COL4A3: variants seen among roughly 807,000 people sequenced by gnomAD.
COL4A3 encodes collagen alpha-3(IV) chain.
COL4A3 carries 135 observed loss-of-function variants against 217.4 expected under a neutral mutation model. The ratio of observed to expected loss-of-function variants is 0.62; its 90% CI spans 0.54 to 0.72. The LOEUF (loss-of-function observed/expected upper bound fraction) is 0.72. Ranked by LOEUF, COL4A3 falls within the 30% of genes least tolerant of loss-of-function variation. The pLI is 0.00. For missense variants in COL4A3, 1,868 were observed against 2,119.9 expected (o/e 0.88, Z 2.33); for synonymous variants, 690 against 736.3 (o/e 0.94, Z 1.02).
Position 227,291,604 on chromosome 2 carries a change from AC to A in COL4A3, c.3210+719del, listed in dbSNP as rs1296289530. On this transcript the variant is annotated intron_variant, in intron 37 of 51. Coordinates refer to ENST00000396578, the MANE Select transcript of COL4A3 (RefSeq NM_000091.5). ...ACAAAAAAAAAAAACAAAAAAAAAA[AC>A]ACTTGTCTTACAAAGACTAACAAAA... is the stretch of plus-strand genomic sequence containing the variant. Among the ~76,000 whole-genome samples, 445 of 144,756 alleles carry A rather than the reference AC, an allele frequency of 3.1e-3. 1 individual carries two copies. Among genetic ancestry groups the A allele is most frequent in the African/African-American group, 0.011 (428 of 37,432 alleles). 95.0% of individuals were successfully genotyped at this position (144,756 alleles called of 152,430 possible).
chr2:227,196,019 T>C (rs2066461652), intron 1 of COL4A3, among the ~76,000 whole-genome samples: 1 of 152,154 alleles, frequency 6.6e-6, no homozygotes, highest in African/African-American at 2.4e-5. Context: ...CAGCTAGCTG[T>C]ACCATGTGTT....
chr2:227,270,741 A>T lies in COL4A3; in HGVS notation c.1576-29A>T, dbSNP rs183671186. On this transcript the variant is annotated intron_variant, in intron 24 of 51. Coordinates refer to ENST00000396578, the MANE Select transcript of COL4A3 (RefSeq NM_000091.5). ...CAGAAGAAGAATTCTAACAAAATAC[A>T]ATACAGATTCATTTGTGTACTACCC... 1.1e-5 allele frequency: 18 copies of T among 1,605,446 alleles called. No homozygotes were observed. In the Admixed American group the frequency reaches 3.0e-4, roughly 27 times the overall value.
chr2:227,192,358 AG>A (rs1273083547), intron 1 of COL4A3, among the ~76,000 whole-genome samples: 3 of 152,216 alleles, frequency 2.0e-5, no homozygotes, highest in African/African-American at 7.2e-5. Context: ...TTGAAATGTT[AG>A]ATGTGGTTTA....
At chr2:227,229,884 T>TA (rs111242341) in intron 1 of COL4A3, among the ~76,000 whole-genome samples, 48,178 of 150,596 alleles carry the variant, frequency 0.32, 8,138 homozygotes, top group Non-Finnish European at 0.36. Context: ...CTGTGTCTAC[T>TA]AAAAAAAATA....
chr2:227,218,102 A>G (rs2067603000), intron 1 of COL4A3, among the ~76,000 whole-genome samples: 1 of 144,894 alleles, frequency 6.9e-6, no homozygotes, highest in Non-Finnish European at 1.5e-5. Flanking sequence ...ATATATATAT[A>G]GTTATTTTAA....
At chr2:227,176,324 A>C (rs2065671718) in intron 1 of COL4A3, among the ~76,000 whole-genome samples, 1 of 152,234 alleles carries the variant, frequency 6.6e-6, no homozygotes, top group Admixed American at 6.5e-5. Flanking sequence ...TCCACATACC[A>C]GCGTCGGTAT....
chr2:227,238,971 T>C (rs180795633), intron 2 of COL4A3, among the ~76,000 whole-genome samples: 2 of 152,344 alleles, frequency 1.3e-5, no homozygotes, highest in Admixed American at 1.3e-4. Context: ...GAGAGGGGTC[T>C]AGCACATTCT....
intron 1 of COL4A3, among the ~76,000 whole-genome samples, chr2:227,229,323 C>T (rs2068263957): frequency 6.6e-6 from 1 of 152,168 alleles, no homozygotes; most frequent in Non-Finnish European, 1.5e-5. Flanking sequence ...TTAAATAAAA[C>T]ATTGTAATGT....
chr2:227,288,181 C>T (rs1005705059), intron 34 of COL4A3, among the ~76,000 whole-genome samples: 8 of 152,102 alleles, frequency 5.3e-5, no homozygotes, highest in African/African-American at 1.9e-4. Flanking sequence ...ACTGCAACCT[C>T]CGCCTCCTAG....
At chr2:227,196,050 C>A (rs2066463423) in intron 1 of COL4A3, among the ~76,000 whole-genome samples, 1 of 152,080 alleles carries the variant, frequency 6.6e-6, no homozygotes, top group East Asian at 1.9e-4. Flanking sequence ...GCTGTTATTA[C>A]AGAGGAATCA....
At chr2:227,227,536 A>G (rs1395557531) in intron 1 of COL4A3, among the ~76,000 whole-genome samples, 2 of 152,102 alleles carry the variant, frequency 1.3e-5, no homozygotes, top group Admixed American at 1.3e-4. Context: ...TCAAAAAAAA[A>G]AAGAAGAAGA....
chr2:227,195,551 C>T (rs1036607081), intron 1 of COL4A3, among the ~76,000 whole-genome samples: 9 of 152,042 alleles, frequency 5.9e-5, no homozygotes, highest in Admixed American at 2.0e-4. Flanking sequence ...AAGTCTAGCA[C>T]GTGCAGTTAT....
intron 37 of COL4A3, among the ~76,000 whole-genome samples, chr2:227,291,584 A>AAAC (rs2072739011): frequency 9.3e-5 from 3 of 32,432 alleles, no homozygotes; most frequent in African/African-American, 2.4e-4. Flanking sequence ...AAAAAACAAA[A>AAAC]AAAAAAAACA....
At chr2:227,308,253 C>T (rs2073595518) in intron 48 of COL4A3, among the ~76,000 whole-genome samples, 1 of 152,172 alleles carries the variant, frequency 6.6e-6, no homozygotes, top group Admixed American at 6.5e-5. Flanking sequence ...ACTTTCATCA[C>T]CCAGGCTGGA....
intron 3 of COL4A3, among the ~76,000 whole-genome samples, chr2:227,242,696 CT>C (rs1242284385): frequency 1.3e-5 from 2 of 152,134 alleles, no homozygotes; most frequent in Non-Finnish European, 2.9e-5. Context: ...CTTTACTCCC[CT>C]ATCACTCAGA....
At chr2:227,205,344 T>C (rs2067061186) in intron 1 of COL4A3, among the ~76,000 whole-genome samples, 1 of 152,068 alleles carries the variant, frequency 6.6e-6, no homozygotes, top group African/African-American at 2.4e-5. Context: ...ATAAAATAAA[T>C]TAACTTTTGA....
At chr2:227,304,688 G>T in intron 46 of COL4A3, among the ~76,000 whole-genome samples, 1 of 152,294 alleles carries the variant, frequency 6.6e-6, no homozygotes, top group East Asian at 1.9e-4. Flanking sequence ...TTACTTATTT[G>T]TTTGATCAAT....
At chr2:227,194,609 G>A (rs2066398013) in intron 1 of COL4A3, among the ~76,000 whole-genome samples, 1 of 93,182 alleles carries the variant, frequency 1.1e-5, no homozygotes, top group Admixed American at 9.1e-5. Flanking sequence ...GCATTGCTGT[G>A]AGCACATTCT....
At chr2:227,207,993 G>A (rs1391097771) in intron 1 of COL4A3, among the ~76,000 whole-genome samples, 1 of 152,096 alleles carries the variant, frequency 6.6e-6, no homozygotes, top group African/African-American at 2.4e-5. Flanking sequence ...TAGAAAAATT[G>A]GAGTATTGGT....
Sources: allele counts gnomAD v4.1 joint callset (sites outside exome capture counted in the v4.1 genomes callset), GRCh38; gene constraint gnomAD v4.1.1; transcripts MANE v1.5; gene names NCBI Gene and HGNC (gene_info 2026-07-23, HGNC 2026-07-21).